Variants in DPF3 observed in about 807,000 individuals in gnomAD.
The protein encoded by DPF3 is double PHD fingers 3.
A neutral mutation model predicts 56.8 loss-of-function variants in DPF3; 18 were observed. The ratio of observed to expected loss-of-function variants is 0.32; its 90% CI spans 0.22 to 0.47. The LOEUF (loss-of-function observed/expected upper bound fraction) is 0.47. Ranked by LOEUF, DPF3 falls within the 20% of genes least tolerant of loss-of-function variation. The pLI is 1.00. For missense variants in DPF3, 403 were observed against 488.8 expected, an observed-to-expected ratio of 0.82 and a Z score of 1.65; for synonymous variants, 188 against 180.2, an observed-to-expected ratio of 1.04 and a Z score of -0.35.
chr14:72,815,142 C>A (rs1883229272), intron 1 of DPF3, among the ~76,000 whole-genome samples: 2 of 151,972 alleles, frequency 1.3e-5, no homozygotes, highest in South Asian at 4.2e-4. Context: ...AATAAGAAGA[C>A]AAATGACTCC....
intron 1 of DPF3, among the ~76,000 whole-genome samples, chr14:72,884,971 T>TATATATATATATATATATA (rs10523148): frequency 2.6e-3 from 293 of 111,510 alleles, no homozygotes; most frequent in Non-Finnish European, 3.7e-3. Flanking sequence ...TATATATATA[T>TATATATATATATATATATA]TAGCCGGGCG....
Position 72,777,511 on chromosome 14 carries a change from T to C in DPF3, c.33-5618A>G, listed in dbSNP as rs1891792670. ...CACATGTTGAAGGCCTAACCCTCAA[T>C]GTGATGGTGTTTGGAGATGGAGCAT... On this transcript the variant is annotated intron_variant, in intron 1 of 10. Coordinates refer to ENST00000556509, the MANE Select transcript of DPF3 (RefSeq NM_001280542.3). Among the ~76,000 whole-genome samples the C allele has an allele frequency of 3.9e-5, 6 of 152,192 alleles. No individual in the cohort carries two copies. The South Asian group carries it at 1.0e-3, about 26-fold the overall frequency.
chr14:72,714,735 C>G (rs1888832579), intron 5 of DPF3, among the ~76,000 whole-genome samples: 1 of 152,172 alleles, frequency 6.6e-6, no homozygotes, highest in South Asian at 2.1e-4. Context: ...GAGGTGGTTT[C>G]TACTAGGGTC....
chr14:72,838,078 C>T (rs1331502272), intron 1 of DPF3, among the ~76,000 whole-genome samples: 1 of 152,210 alleles, frequency 6.6e-6, no homozygotes, highest in Non-Finnish European at 1.5e-5. Context: ...GGGAATGGGG[C>T]CATCTGACAC....
rs954732998 is a variant in DPF3, at chr14:72,892,548, C to T, written c.32+1509G>A. On this transcript the variant is annotated intron_variant, in intron 1 of 10. Transcript: ENST00000556509. ...GGGCGACGAGCTGGCGCAAACACGT[C>T]CGATTCTCCCTGTGCATTCCTTTGC... 5 of 1,384,554 alleles carry T rather than the reference C, an allele frequency of 3.6e-6. No homozygotes were observed. The African/African-American group carries it at 5.9e-5, about 16-fold the overall frequency. The allele number at this position is 1,384,554 out of a possible 1,614,324, so 85.8% of individuals were successfully genotyped here.
rs1439551981 is a variant in DPF3, at chr14:72,836,463, A to G, written c.32+57594T>C. 4 of 985,478 alleles carry G rather than the reference A, an allele frequency of 4.1e-6. No individual in the cohort carries two copies. In the African/African-American group the frequency reaches 7.0e-5, roughly 17 times the overall value. The allele number at this position is 985,478 out of a possible 1,614,324, so 61.0% of individuals were successfully genotyped here. On this transcript the variant is annotated intron_variant, in intron 1 of 10. Coordinates refer to ENST00000556509, the MANE Select transcript of DPF3 (RefSeq NM_001280542.3). ...GCCTCCCTGCTCCTGCCTGCCCTGAAGGGAGAAGGAGCGCAATGAAACTAG... is the reference window on the plus strand; with the variant it reads ...GCCTCCCTGCTCCTGCCTGCCCTGAGGGGAGAAGGAGCGCAATGAAACTAG...
intron 9 of DPF3, among the ~76,000 whole-genome samples, 163 bp downstream of exon 9, chr14:72,629,461 T>C (rs1885039307): frequency 6.6e-6 from 1 of 152,246 alleles, no homozygotes; most frequent in Admixed American, 6.5e-5. Context: ...TGTTGACCAC[T>C]GTCAGTCTCT....
intron 1 of DPF3, among the ~76,000 whole-genome samples, chr14:72,863,131 T>C (rs1885515646): frequency 1.1e-5 from 1 of 92,862 alleles, no homozygotes; most frequent in South Asian, 4.1e-4. Context: ...TGTGTGTGTG[T>C]GTGTGTATAT....
rs1883052342 is a variant in DPF3 at position 72,811,714 on chromosome 14, C to T, written c.33-39821G>A. ...AAATATAAACAAGACATAGGCCCTGCCTTCCAGAGCTCCTAGGCACACAAA... is the reference window on the plus strand; with the variant it reads ...AAATATAAACAAGACATAGGCCCTGTCTTCCAGAGCTCCTAGGCACACAAA... On this transcript the variant is annotated intron_variant, in intron 1 of 10. Coordinates refer to ENST00000556509, the MANE Select transcript of DPF3 (RefSeq NM_001280542.3). Among the ~76,000 whole-genome samples, 4 of 152,186 alleles carry T rather than the reference C, an allele frequency of 2.6e-5. No individual in the cohort carries two copies. The South Asian group carries it at 6.2e-4, about 24-fold the overall frequency.
At chr14:72,756,918 G>GAAAGAAAGAAAGAAAGAAAGAAAGA (rs1567223050) in intron 2 of DPF3, among the ~76,000 whole-genome samples, 1 of 136,356 alleles carries the variant, frequency 7.3e-6, no homozygotes, top group Non-Finnish European at 1.5e-5. Flanking sequence ...AAGAAAGAAA[G>GAAAGAAAGAAAGAAAGAAAGAAAGA]AAAGAAAGAA....
At chr14:72,722,354 G>A (rs1389524697) in intron 5 of DPF3, among the ~76,000 whole-genome samples, 6 of 152,182 alleles carry the variant, frequency 3.9e-5, no homozygotes, top group South Asian at 4.1e-4. Context: ...CCCCACATGC[G>A]ACAGGCTGGA....
intron 1 of DPF3, among the ~76,000 whole-genome samples, chr14:72,875,792 G>C (rs1190035918): frequency 6.6e-6 from 1 of 152,146 alleles, no homozygotes; most frequent in African/African-American, 2.4e-5. Flanking sequence ...CAGCACACAG[G>C]TAGACAGCTG....
chr14:72,731,162 ACT>A (rs150397390), intron 4 of DPF3, among the ~76,000 whole-genome samples: 5,996 of 152,046 alleles, frequency 0.039, 293 homozygotes, highest in African/African-American at 0.12. Context: ...ACAGAGCGAG[ACT>A]CTGTCTCAAA....
At chr14:72,836,513 C>T in intron 1 of DPF3, 1 of 985,422 alleles carries the variant, frequency 1.0e-6, no homozygotes, top group Non-Finnish European at 1.2e-6. Context: ...TTCTGACCAC[C>T]TCGTGGGGAG....
chr14:72,631,652 C>A (rs1428435084), intron 8 of DPF3, among the ~76,000 whole-genome samples: 1 of 152,200 alleles, frequency 6.6e-6, no homozygotes, highest in Non-Finnish European at 1.5e-5. Context: ...CATTAACTTA[C>A]GAAGTACTTA....
intron 1 of DPF3, among the ~76,000 whole-genome samples, chr14:72,780,280 A>G (rs1045354531): frequency 6.6e-6 from 1 of 152,204 alleles, no homozygotes; most frequent in Non-Finnish European, 1.5e-5. Context: ...TATCTCTACC[A>G]GTAGGGTTTG....
At chr14:72,652,084 C>T (rs1398825026) in intron 8 of DPF3, among the ~76,000 whole-genome samples, 1 of 152,142 alleles carries the variant, frequency 6.6e-6, no homozygotes, top group African/African-American at 2.4e-5. Flanking sequence ...GGAACACCCC[C>T]TACATCACAG....
intron 1 of DPF3, among the ~76,000 whole-genome samples, chr14:72,805,067 CAAACACACAG>C (rs762034826): frequency 0.016 from 2,485 of 151,978 alleles, 44 homozygotes; most frequent in Non-Finnish European, 0.025. Context: ...CACACACACA[CAAACACACAG>C]ACACACACAC....
At chr14:72,663,669 C>T (rs199634335) in intron 8 of DPF3, among the ~76,000 whole-genome samples, 4 of 152,276 alleles carry the variant, frequency 2.6e-5, no homozygotes, top group East Asian at 1.9e-4. Context: ...CATTTCACCC[C>T]GGAAGCAGTT....
Sources: gnomAD v4.1 joint callset for allele counts (sites outside exome capture counted in the v4.1 genomes callset) on GRCh38, gnomAD v4.1.1 for gene constraint, MANE v1.5 for transcripts, NCBI Gene and HGNC (gene_info 2026-07-23, HGNC 2026-07-21) for gene names.